The following SPP1 variants were observed in gnomAD, a reference collection of about 807,000 sequenced individuals.
SPP1 encodes osteopontin.
Under a neutral mutation model 20.8 loss-of-function variants are expected in SPP1, and 18 were observed. The ratio of observed to expected loss-of-function variants is 0.87; its 90% CI spans 0.60 to 1.29. The LOEUF (loss-of-function observed/expected upper bound fraction) is 1.29. Among genes scored for constraint, SPP1 ranks in the 50% most tolerant of loss-of-function variants. The pLI, the probability that SPP1 is intolerant of heterozygous loss-of-function variation, is 0.00. For missense variants in SPP1, 363 were observed against 389.0 expected, an observed-to-expected ratio of 0.93 and a Z score of 0.56; for synonymous variants, 146 against 141.5, an observed-to-expected ratio of 1.03 and a Z score of -0.23.
intron 5 of SPP1, 169 bp downstream of exon 5, chr4:87,980,603 G>C: frequency 1.5e-6 from 1 of 663,798 alleles, no homozygotes; most frequent in Admixed American, 3.2e-5. Flanking sequence ...GAAATACTAG[G>C]TTTCCTCGGA....
intron 5 of SPP1, 81 bp from the exon 6 acceptor site, chr4:87,981,394 T>C (rs1725633695): frequency 4.8e-6 from 6 of 1,254,110 alleles, no homozygotes; most frequent in Non-Finnish European, 5.5e-6. Context: ...AAAAGAAAGA[T>C]AGTAAAAGAC....
In SPP1 at chr4:87,981,922, T is replaced by G. The variant is rs1022958352; in HGVS notation, c.540+124T>G. ...TCCATTCAGCAAGAATTCATTCATA[T>G]TCTACTTTATGACCATTGAATACAA... On this transcript the variant is annotated intron_variant, in intron 6 of 6. Transcript: ENST00000395080. 2.1e-5 allele frequency: 18 copies of G among 855,368 alleles called. No homozygotes were observed. In the African/African-American group the frequency reaches 2.9e-4, roughly 14 times the overall value. 53.0% of individuals were successfully genotyped at this position (855,368 alleles called of 1,614,324 possible).
intron 3 of SPP1, 127 bp downstream of exon 3, chr4:87,977,224 T>C (rs1725415833): frequency 1.1e-6 from 1 of 950,174 alleles, no homozygotes; most frequent in Non-Finnish European, 1.6e-6. Flanking sequence ...AAGTATTGAT[T>C]GACTGCCTGC....
chr4:87,978,388 CT>C (rs1159455110), intron 3 of SPP1, among the ~76,000 whole-genome samples: 6,747 of 90,114 alleles, frequency 0.075, 64 homozygotes, highest in African/African-American at 0.2. Flanking sequence ...TTTCCGCCTT[CT>C]TTTTTTTTTT....
Position 87,981,839 on chromosome 4 carries a change from G to A in SPP1, c.540+41G>A, listed in dbSNP as rs375857729. 687 of 1,566,176 alleles carry A rather than the reference G, an allele frequency of 4.4e-4. 1 individual carries two copies. Among genetic ancestry groups the A allele is most frequent in the Non-Finnish European group, 5.2e-4 (597 of 1,147,220 alleles). On this transcript the variant is annotated intron_variant, in intron 6 of 6. Coordinates refer to ENST00000395080, the MANE Select transcript of SPP1 (RefSeq NM_001040058.2). ...GACACACCTGATGGTTCTGACTAGC[G>A]CTCAAGTCTAGGAAACCACAGTTTG...
intron 6 of SPP1, 35 bp downstream of exon 6, chr4:87,981,833 A>T: frequency 6.3e-7 from 1 of 1,582,458 alleles, no homozygotes; most frequent in Non-Finnish European, 8.6e-7. Context: ...GATGGTTCTG[A>T]CTAGCGCTCA....
intron 6 of SPP1, among the ~76,000 whole-genome samples, 176 bp from the exon 7 acceptor site, chr4:87,982,316 A>G (rs1448525131): frequency 6.6e-6 from 1 of 152,202 alleles, no homozygotes; most frequent in African/African-American, 2.4e-5. Context: ...AAATGAGATG[A>G]CATATGTGAA....
At chr4:87,980,634 A>T in intron 5 of SPP1, 200 bp downstream of exon 5, 1 of 577,994 alleles carries the variant, frequency 1.7e-6, no homozygotes, top group South Asian at 2.4e-5. Flanking sequence ...ATTACAGAAG[A>T]TGTTTATTAA....
intron 3 of SPP1, among the ~76,000 whole-genome samples, chr4:87,978,329 A>G (rs1725469844): frequency 6.6e-6 from 1 of 151,432 alleles, no homozygotes; most frequent in South Asian, 2.1e-4. Flanking sequence ...AGATAGATAG[A>G]TATGAAAAAG....
chr4:87,980,256 T>C (rs1725588112), intron 4 of SPP1, 130 bp downstream of exon 4: 3 of 1,456,828 alleles, frequency 2.1e-6, no homozygotes, highest in Middle Eastern at 1.7e-4. Flanking sequence ...TGATCTGCCA[T>C]GTTGGCTTCT....
At chr4:87,976,820 A>G (rs1725395528) in intron 1 of SPP1, 62 bp from the exon 2 acceptor site, 2 of 1,145,558 alleles carry the variant, frequency 1.7e-6, no homozygotes, top group South Asian at 2.7e-5. Context: ...GTGGTAGTAT[A>G]AAAAGGTATC....
At chr4:87,981,912 T>C (rs974409648) in intron 6 of SPP1, 114 bp downstream of exon 6, 87 of 911,668 alleles carry the variant, frequency 9.5e-5, no homozygotes, top group Non-Finnish European at 9.0e-5. Flanking sequence ...TCAGCAAGAA[T>C]TCATTCATAT....
In SPP1 at chr4:87,975,951, C is replaced by G. The variant is rs17728586; in HGVS notation, c.-15+151C>G. 5.4e-3 allele frequency among the ~76,000 whole-genome samples: 720 copies of G among 133,458 alleles called. 3 individuals carry two copies. The highest frequency in any genetic ancestry group is 9.4e-3 in the Non-Finnish European group (582 of 61,720). The allele number at this position is 133,458 out of a possible 152,430, so 87.6% of individuals were successfully genotyped here. A position where few individuals can be genotyped will look rare whatever the true frequency, so the allele number is the denominator to read the frequency against. Reference sequence around the variant, plus strand: ...TAAGCAGATTAGATACATTGCAGGTCTCCTGGAACAAAGGTGTCTAGATAT... The same window carrying G: ...TAAGCAGATTAGATACATTGCAGGTGTCCTGGAACAAAGGTGTCTAGATAT... On this transcript the variant is annotated intron_variant, in intron 1 of 6. Transcript: ENST00000395080.
chr4:87,979,161 C>CTTTTTTTT, intron 3 of SPP1, among the ~76,000 whole-genome samples: 1 of 107,256 alleles, frequency 9.3e-6, no homozygotes, highest in Non-Finnish European at 1.8e-5. Flanking sequence ...TTTTTATCTT[C>CTTTTTTTT]TTTTTTTTTT....
At position 87,982,802 on chromosome 4, in the gene SPP1, T is replaced by C; in HGVS notation, c.851T>C (p.Met284Thr). The C allele has an allele frequency of 1.9e-6, 3 of 1,614,198 alleles. No individual in the cohort carries two copies. Among genetic ancestry groups the C allele is most frequent in the Non-Finnish European group, 2.5e-6 (3 of 1,180,016 alleles). Residue 284 changes from methionine (M) to threonine (T), a missense_variant, in exon 7 of 7, where the codon ATG becomes ACG. Met to Thr is a moderately conservative substitution (Grantham distance 81, BLOSUM62 -1). Transcript: ENST00000395080. ...CATGAATTTCACAGCCATGAAGATA[T>C]GCTGGTTGTAGACCCCAAAAGTAAG... ...HSHEFHSHEDMLVVDPKSKEE... is the reference protein window; with the variant it reads ...HSHEFHSHEDTLVVDPKSKEE...
chr4:87,979,272 C>T (rs1361558936), intron 3 of SPP1, among the ~76,000 whole-genome samples: 1 of 149,352 alleles, frequency 6.7e-6, no homozygotes, highest in Non-Finnish European at 1.5e-5. Flanking sequence ...TCACGCCATT[C>T]TCTTGCCTCA....
intron 4 of SPP1, 109 bp downstream of exon 4, chr4:87,980,235 A>T: frequency 1.4e-6 from 2 of 1,480,168 alleles, no homozygotes; most frequent in South Asian, 1.2e-5. Context: ...ACATGTGCTT[A>T]GGACATTGAC....
In SPP1 at chr4:87,981,391, A is replaced by G. The variant is rs76242422; in HGVS notation, c.217-84A>G. On this transcript the variant is annotated intron_variant, in intron 5 of 6. Coordinates refer to ENST00000395080, the MANE Select transcript of SPP1 (RefSeq NM_001040058.2). ...AGATTCTGAAACTAAATAAAAAGAAAGATAGTAAAAGACTAATGTGCTATA... is the reference window on the plus strand; with the variant it reads ...AGATTCTGAAACTAAATAAAAAGAAGGATAGTAAAAGACTAATGTGCTATA... The G allele has an allele frequency of 3.9e-4, 487 of 1,236,602 alleles. 1 individual carries two copies. The African/African-American group carries it at 6.9e-3, about 17-fold the overall frequency. 76.6% of individuals were successfully genotyped at this position (1,236,602 alleles called of 1,614,324 possible). A position where few individuals can be genotyped will look rare whatever the true frequency, so the allele number is the denominator to read the frequency against.
At position 87,977,692 on chromosome 4, in the gene SPP1, G is replaced by A. The variant is rs1331183076; in HGVS notation, c.93+595G>A. On this transcript the variant is annotated intron_variant, in intron 3 of 6. Coordinates refer to ENST00000395080, the MANE Select transcript of SPP1 (RefSeq NM_001040058.2). ...AAGATGTACCTACCCCTCCACAACA[G>A]ATGAAACTGTGCCAGCCAAACAACA... 2.4e-6 allele frequency: 3 copies of A among 1,263,226 alleles called. No homozygotes were observed. In the South Asian group the frequency reaches 4.0e-5, roughly 17 times the overall value. The allele number at this position is 1,263,226 out of a possible 1,614,324, so 78.3% of individuals were successfully genotyped here. A position where few individuals can be genotyped will look rare whatever the true frequency, so the allele number is the denominator to read the frequency against.
Sources: allele counts gnomAD v4.1 joint callset (sites outside exome capture counted in the v4.1 genomes callset), GRCh38; gene constraint gnomAD v4.1.1; transcripts MANE v1.5; gene names NCBI Gene and HGNC (gene_info 2026-07-23, HGNC 2026-07-21).